The following TMEM9 variants were observed in gnomAD, a reference collection of about 807,000 sequenced individuals.
TMEM9 encodes transmembrane protein 9.
A neutral mutation model predicts 22.8 loss-of-function variants in TMEM9; 13 were observed. That is an observed-to-expected ratio of 0.57 (90% confidence interval 0.37 to 0.91). TMEM9 has a LOEUF of 0.91. Ranked by LOEUF, TMEM9 falls within the 40% of genes least tolerant of loss-of-function variation. TMEM9 has a pLI of 0.01. For missense variants in TMEM9, 182 were observed against 238.1 expected, an observed-to-expected ratio of 0.76 and a Z score of 1.55; for synonymous variants, 88 against 93.0, an observed-to-expected ratio of 0.95 and a Z score of 0.31.
intron 4 of TMEM9, among the ~76,000 whole-genome samples, chr1:201,141,379 A>C (rs1558106362): frequency 6.6e-6 from 1 of 152,230 alleles, no homozygotes; most frequent in African/African-American, 2.4e-5. Flanking sequence ...AACCACAGAC[A>C]TCTGTGACCT....
In TMEM9 at chr1:201,135,585, G is replaced by A; in HGVS notation, c.*78C>T. 3.6e-6 allele frequency: 5 copies of A among 1,397,092 alleles called. No homozygotes were observed. Among genetic ancestry groups the A allele is most frequent in the Non-Finnish European group, 4.8e-6 (5 of 1,050,048 alleles). The allele number at this position is 1,397,092 out of a possible 1,614,324, so 86.5% of individuals were successfully genotyped here. On this transcript the variant is annotated 3_prime_UTR_variant, in exon 5 of 5. Coordinates refer to ENST00000367330, the MANE Select transcript of TMEM9 (RefSeq NM_001288565.2). ...GGAAGACTGGAACCGAGGGAAGGGA[G>A]AAGTAGCCCCCTGCTTTGTCCAGCC...
chr1:201,146,388 A>C (rs1450597315), intron 3 of TMEM9, among the ~76,000 whole-genome samples: 1 of 152,230 alleles, frequency 6.6e-6, no homozygotes, highest in Non-Finnish European at 1.5e-5. Flanking sequence ...CATTGGCAGC[A>C]TCTTGCCCAG....
chr1:201,164,749 A>G (rs1666032249), intron 1 of TMEM9, among the ~76,000 whole-genome samples: 1 of 152,070 alleles, frequency 6.6e-6, no homozygotes, highest in Admixed American at 6.5e-5. Context: ...GGATCATTTC[A>G]CACAGTTGGA....
At chr1:201,138,323 C>T (rs1664186971) in intron 4 of TMEM9, among the ~76,000 whole-genome samples, 1 of 152,222 alleles carries the variant, frequency 6.6e-6, no homozygotes, top group South Asian at 2.1e-4. Context: ...TCTTAACAAA[C>T]AGCTCCTAAG....
At chr1:201,163,920 G>A (rs768409672) in intron 1 of TMEM9, among the ~76,000 whole-genome samples, 1 of 152,194 alleles carries the variant, frequency 6.6e-6, no homozygotes, top group Admixed American at 6.5e-5. Flanking sequence ...ACATAAAAAC[G>A]TGTGCATGAA....
At chr1:201,168,563 G>A (rs1437587557) in intron 1 of TMEM9, among the ~76,000 whole-genome samples, 1 of 151,998 alleles carries the variant, frequency 6.6e-6, no homozygotes, top group Non-Finnish European at 1.5e-5. Flanking sequence ...TACTAAAAAT[G>A]CAAAAATTAG....
At position 201,146,309 on chromosome 1, in the gene TMEM9, T is replaced by C. The variant is rs191836180; in HGVS notation, c.267+431A>G. Among the ~76,000 whole-genome samples, 8 of 152,332 alleles carry C rather than the reference T, an allele frequency of 5.3e-5. No homozygotes were observed. The East Asian group carries it at 1.5e-3, about 29-fold the overall frequency. ...CAGCCCTAGTCCACAGCTCTGATGC[T>C]TTTTAGAGGAGCTTAGTCACTTTGG... On this transcript the variant is annotated intron_variant, in intron 3 of 4. Transcript: ENST00000367330.
chr1:201,167,530 A>G (rs999062509), intron 1 of TMEM9, among the ~76,000 whole-genome samples: 1 of 152,206 alleles, frequency 6.6e-6, no homozygotes, highest in East Asian at 1.9e-4. Context: ...TGCAGGAGTC[A>G]CTGGGGAAGT....
intron 1 of TMEM9, 55 bp from the exon 2 acceptor site, chr1:201,151,907 G>A: frequency 7.2e-7 from 1 of 1,385,706 alleles, no homozygotes; most frequent in South Asian, 1.2e-5. Context: ...GGTTCAGGGG[G>A]TTCAGGCTCT....
At chr1:201,147,159 G>A (rs1015977550) in intron 2 of TMEM9, among the ~76,000 whole-genome samples, 1 of 152,050 alleles carries the variant, frequency 6.6e-6, no homozygotes, top group Non-Finnish European at 1.5e-5. Flanking sequence ...ATGTTCTCCC[G>A]GCATGTGCTC....
Position 201,151,785 on chromosome 1 carries a change from T to C in TMEM9, c.134A>G (p.Asn45Ser). The change falls in exon 2 of 5, where the codon AAC becomes AGC. Residue 45 changes from asparagine (N) to serine (S), a missense_variant. Physicochemically the swap from Asn to Ser is conservative, Grantham distance 46. Transcript: ENST00000367330. ...PYRNISGHIY[N>S]QNVSQKDCNC... ...CCAGTCCTTCTGGGATACATTCTGG[T>C]TGTAAATGTGCCCACTGATGTTTCT... 1 of 1,613,968 alleles carries C rather than the reference T, an allele frequency of 6.2e-7. No individual in the cohort carries two copies. The highest frequency in any genetic ancestry group is 8.5e-7 in the Non-Finnish European group (1 of 1,179,942).
rs1663897668 is a variant in TMEM9, at chr1:201,135,412, C to T, written c.*251G>A. On this transcript the variant is annotated 3_prime_UTR_variant, in exon 5 of 5. Coordinates refer to ENST00000367330, the MANE Select transcript of TMEM9 (RefSeq NM_001288565.2). ...CCGCCTCGAATGTCTCCATTCCCTT[C>T]TGGCCTGCCTTCCCCCTCCCTTCAA... is the stretch of plus-strand genomic sequence containing the variant. 2.7e-6 allele frequency: 1 copy of T among 374,698 alleles called. No individual in the cohort carries two copies. Among genetic ancestry groups the T allele is most frequent in the Admixed American group, 4.6e-5 (1 of 21,610 alleles). 23.2% of individuals were successfully genotyped at this position (374,698 alleles called of 1,614,324 possible).
At chr1:201,164,340 A>G (rs1666020327) in intron 1 of TMEM9, among the ~76,000 whole-genome samples, 1 of 152,222 alleles carries the variant, frequency 6.6e-6, no homozygotes, top group South Asian at 2.1e-4. Flanking sequence ...ATACTGTACT[A>G]TCATTTAATA....
At chr1:201,141,077 T>C (rs1664481887) in intron 4 of TMEM9, among the ~76,000 whole-genome samples, 1 of 152,198 alleles carries the variant, frequency 6.6e-6, no homozygotes, top group Admixed American at 6.5e-5. Context: ...GAGTGGGCAC[T>C]GAAAATCCCC....
rs146358770 is a variant in TMEM9, at chr1:201,160,987, C to A, written c.-36-7028G>T. Among the ~76,000 whole-genome samples the A allele has an allele frequency of 2.9e-4, 44 of 151,734 alleles. No individual in the cohort carries two copies. In the East Asian group the frequency reaches 7.9e-3, roughly 27 times the overall value. ...CCTAAAGAATTTTGTTTATCTGGGT[C>A]CTATCAATATTTGCAGTATTAAAAC... On this transcript the variant is annotated intron_variant, in intron 1 of 5. Coordinates refer to the TMEM9 transcript ENST00000367333.
At chr1:201,167,667 G>C (rs962131387) in intron 1 of TMEM9, among the ~76,000 whole-genome samples, 7 of 152,166 alleles carry the variant, frequency 4.6e-5, no homozygotes, top group Non-Finnish European at 1.0e-4. Flanking sequence ...GGTTGAGTTT[G>C]GGGGATAGGC....
rs148981179 is a variant in TMEM9, at chr1:201,142,308, T to C, written c.399+1512A>G. 2.0e-3 allele frequency among the ~76,000 whole-genome samples: 304 copies of C among 152,312 alleles called. 2 individuals carry two copies. Among genetic ancestry groups the C allele is most frequent in the African/African-American group, 7.0e-3 (291 of 41,572 alleles). ...CTGCCCTTCTCTTCGCTGTTCATGCTGGCCCAGACCCACATCACCCAGGCA... is the reference window on the plus strand; with the variant it reads ...CTGCCCTTCTCTTCGCTGTTCATGCCGGCCCAGACCCACATCACCCAGGCA... On this transcript the variant is annotated intron_variant, in intron 4 of 4. Coordinates refer to ENST00000367330, the MANE Select transcript of TMEM9 (RefSeq NM_001288565.2).
chr1:201,144,222 G>C (rs909730359), intron 3 of TMEM9: 2 of 359,082 alleles, frequency 5.6e-6, no homozygotes, highest in East Asian at 1.0e-4. Flanking sequence ...AAGAAGTCTG[G>C]AGCCTGATGC....
rs139463647 is a variant in TMEM9 at position 201,163,317 on chromosome 1, C to T, written c.-37+8173G>A. ...AAAAAATAAAAAACAAGGCCGGGCGCGGTGGCTCACACCTATAATCCCAAC... is the reference window on the plus strand; with the variant it reads ...AAAAAATAAAAAACAAGGCCGGGCGTGGTGGCTCACACCTATAATCCCAAC... On this transcript the variant is annotated intron_variant, in intron 1 of 5. Transcript: ENST00000367333. Among the ~76,000 whole-genome samples, 777 of 150,610 alleles carry T rather than the reference C, an allele frequency of 5.2e-3. 3 individuals are homozygous for T. The highest frequency in any genetic ancestry group is 7.3e-3 in the Non-Finnish European group (491 of 67,672).
Sources: gnomAD v4.1 joint callset for allele counts (sites outside exome capture counted in the v4.1 genomes callset) on GRCh38, gnomAD v4.1.1 for gene constraint, MANE v1.5 for transcripts, NCBI Gene and HGNC (gene_info 2026-07-23, HGNC 2026-07-21) for gene names.